The following EIF4E3 variants were observed in gnomAD, a reference collection of about 807,000 sequenced individuals.
EIF4E3 encodes the protein eukaryotic translation initiation factor 4E family member 3, also known as eukaryotic translation initiation factor 4E type 3.
In EIF4E3, 26 loss-of-function variants were observed where a neutral mutation model predicts 31.7. The observed-to-expected ratio is 0.82, with a 90% confidence interval of 0.60 to 1.14. The LOEUF (loss-of-function observed/expected upper bound fraction) is 1.14. EIF4E3 is among the 50% of genes most tolerant of loss of function. The pLI is 0.00. For synonymous variants in EIF4E3, 128 were observed against 107.7 expected (o/e 1.19, Z -1.17); for missense variants, 304 against 270.9 (o/e 1.12, Z -0.86).
chr3:71,688,814 C>A (rs991297425), intron 6 of EIF4E3, among the ~76,000 whole-genome samples: 2 of 152,222 alleles, frequency 1.3e-5, no homozygotes, highest in African/African-American at 4.8e-5. Flanking sequence ...TAAGCAACTT[C>A]TGCAGTGCCA....
At chr3:71,712,315 A>C (rs1184091362) in intron 1 of EIF4E3, among the ~76,000 whole-genome samples, 1 of 152,224 alleles carries the variant, frequency 6.6e-6, no homozygotes, top group African/African-American at 2.4e-5. Context: ...GAAATACATC[A>C]GTCCACGTGG....
upstream of EIF4E3, chr3:71,729,274 C>T (rs1437273369): frequency 2.0e-5 from 3 of 152,374 alleles, 1 homozygote; most frequent in South Asian, 6.2e-4. Flanking sequence ...CTAACTCAGT[C>T]TCCTCCTTTA....
chr3:71,666,600 C>T, the EIF4E3 span, among the ~76,000 whole-genome samples: 6 of 152,094 alleles, frequency 3.9e-5, no homozygotes, highest in Non-Finnish European at 7.4e-5. Context: ...TTTATGAGGC[C>T]AGCATCATCC....
downstream of EIF4E3, among the ~76,000 whole-genome samples, chr3:71,674,808 G>A (rs1370535041): frequency 6.6e-6 from 1 of 152,196 alleles, no homozygotes; most frequent in Non-Finnish European, 1.5e-5. Flanking sequence ...TGAGCTGGGT[G>A]CTTCATATGT....
At position 71,693,999 on chromosome 3, in the gene EIF4E3, T is replaced by C. The variant is rs536887322; in HGVS notation, c.406-58A>G. 2.1e-4 allele frequency: 303 copies of C among 1,467,958 alleles called. 2 individuals are homozygous for C. The South Asian group carries it at 3.1e-3, about 15-fold the overall frequency. 90.9% of individuals were successfully genotyped at this position (1,467,958 alleles called of 1,614,324 possible). On this transcript the variant is annotated intron_variant, in intron 4 of 6. Transcript: ENST00000425534. Reference sequence around the variant, plus strand: ...ACAAAATACAGATATTTTTAGACAATTATCCTCAGGAGCTAAACAAATTAT... The same window carrying C: ...ACAAAATACAGATATTTTTAGACAACTATCCTCAGGAGCTAAACAAATTAT...
chr3:71,674,781 T>C (rs1398253449), downstream of EIF4E3, among the ~76,000 whole-genome samples: 1 of 152,202 alleles, frequency 6.6e-6, no homozygotes, highest in African/African-American at 2.4e-5. Flanking sequence ...ACTAACTCTT[T>C]ACCACATCCA....
At chr3:71,750,737 T>C (rs189925287) in intron 1 of EIF4E3, among the ~76,000 whole-genome samples, 161 of 150,476 alleles carry the variant, frequency 1.1e-3, no homozygotes, top group African/African-American at 3.6e-3. Context: ...CTGGGAAACA[T>C]AGGGAGACCC....
intron 1 of EIF4E3, among the ~76,000 whole-genome samples, chr3:71,746,895 G>A (rs903270252): frequency 5.3e-5 from 8 of 152,120 alleles, no homozygotes; most frequent in East Asian, 3.9e-4. Flanking sequence ...GTGGTCTTTC[G>A]TGTTTGACTT....
chr3:71,690,238 T>C, intron 5 of EIF4E3, 73 bp from the exon 6 acceptor site: 1 of 1,435,256 alleles, frequency 7.0e-7, no homozygotes, highest in Admixed American at 2.5e-5. Context: ...AAGAACTTAG[T>C]CTTTTTATCT....
chr3:71,718,342 T>C (rs1204919425), intron 1 of EIF4E3, among the ~76,000 whole-genome samples: 4 of 152,256 alleles, frequency 2.6e-5, no homozygotes, highest in African/African-American at 9.6e-5. Context: ...TACTGACAGT[T>C]AATAATGCAT....
chr3:71,699,739 T>A (rs778336404), intron 2 of EIF4E3, 31 bp from the exon 3 acceptor site: 2 of 1,530,804 alleles, frequency 1.3e-6, no homozygotes, highest in South Asian at 2.3e-5. Flanking sequence ...CTTTGTTTAA[T>A]ATACCCAGTA....
At position 71,749,729 on chromosome 3, in the gene EIF4E3, C is replaced by A. The variant is rs768159512; in HGVS notation, c.-291+3734G>T. Among the ~76,000 whole-genome samples the A allele has an allele frequency of 8.0e-4, 122 of 151,964 alleles. 1 individual carries two copies. Among genetic ancestry groups the A allele is most frequent in the Non-Finnish European group, 1.5e-3 (105 of 67,990 alleles). On this transcript the variant is annotated intron_variant, in intron 1 of 7. Coordinates refer to the EIF4E3 transcript ENST00000295612. ...GTGGGAAATACTTTTGTTTCTATGT[C>A]CAAAAGGAATAATTTGATTATACAA...
chr3:71,661,998 G>A, the EIF4E3 span, among the ~76,000 whole-genome samples: 1 of 152,148 alleles, frequency 6.6e-6, no homozygotes, highest in Non-Finnish European at 1.5e-5. Context: ...AGTTCCTAGA[G>A]GATTAAGCAA....
At position 71,750,358 on chromosome 3, in the gene EIF4E3, T is replaced by C. The variant is rs1415284460; in HGVS notation, c.-291+3105A>G. ...CATTAGAATAAAAAATATGAAGATT[T>C]AAAGTGGAAGGTAGTGACCTAGGAG... On this transcript the variant is annotated intron_variant, in intron 1 of 7. Coordinates refer to the EIF4E3 transcript ENST00000295612. Among the ~76,000 whole-genome samples, 3 of 152,174 alleles carry C rather than the reference T, an allele frequency of 2.0e-5. No homozygotes were observed. In the East Asian group the frequency reaches 5.8e-4, roughly 29 times the overall value.
chr3:71,754,254 C>T, upstream of EIF4E3: 3 of 1,264,872 alleles, frequency 2.4e-6, no homozygotes, highest in Non-Finnish European at 3.0e-6. The surrounding 1 kb of genome is among the most constrained non-coding windows in gnomAD (Gnocchi z 5.8). Context: ...GCTGCGCGCG[C>T]TCGCCTGCCT....
intron 1 of EIF4E3, among the ~76,000 whole-genome samples, chr3:71,710,946 C>A (rs1374694499): frequency 2.6e-5 from 4 of 152,172 alleles, no homozygotes; most frequent in African/African-American, 9.7e-5. Context: ...AACAGAGTGA[C>A]CATTTGCCTA....
chr3:71,687,733 T>A (rs1160859037), intron 6 of EIF4E3, among the ~76,000 whole-genome samples: 1 of 152,234 alleles, frequency 6.6e-6, no homozygotes, highest in Non-Finnish European at 1.5e-5. Context: ...AATGGCCCAA[T>A]GCCCATCTAC....
downstream of EIF4E3, among the ~76,000 whole-genome samples, chr3:71,672,788 T>C (rs2048854043): frequency 6.6e-6 from 1 of 152,092 alleles, no homozygotes; most frequent in Admixed American, 6.6e-5. Context: ...CTTTTTTCTT[T>C]TTTTTTTTAA....
chr3:71,739,664 T>G (rs1219099334), intron 1 of EIF4E3, among the ~76,000 whole-genome samples: 1 of 151,874 alleles, frequency 6.6e-6, no homozygotes, highest in African/African-American at 2.4e-5. Context: ...ACCACTACAC[T>G]CTAGCCTGGG....
Sources: allele counts gnomAD v4.1 joint callset (sites outside exome capture counted in the v4.1 genomes callset), GRCh38; gene constraint gnomAD v4.1.1; non-coding constraint Gnocchi (gnomAD v3.1); transcripts MANE v1.5; gene names NCBI Gene and HGNC (gene_info 2026-07-23, HGNC 2026-07-21).